AOPEP: variants seen among roughly 807,000 people sequenced by gnomAD.
The protein encoded by AOPEP is aminopeptidase O (putative).
A neutral mutation model predicts 98.1 loss-of-function variants in AOPEP; 77 were observed. The observed-to-expected ratio is 0.78, with a 90% CI of 0.65 to 0.95. The LOEUF is 0.95. Ranked by LOEUF, AOPEP falls within the 40% of genes least tolerant of loss-of-function variation. The pLI is 0.00. For missense variants in AOPEP, 1,024 were observed against 1,024.7 expected, an observed-to-expected ratio of 1.00 and a Z score of 0.01; for synonymous variants, 346 against 365.3, an observed-to-expected ratio of 0.95 and a Z score of 0.60.
chr9:95,069,838 A>G lies in AOPEP; in HGVS notation c.2232+9028A>G, dbSNP rs959795287. Among the ~76,000 whole-genome samples the G allele has an allele frequency of 4.6e-5, 7 of 152,244 alleles. No individual in the cohort carries two copies. In the South Asian group the frequency reaches 6.2e-4, roughly 13 times the overall value. On this transcript the variant is annotated intron_variant, in intron 14 of 16. Transcript: ENST00000375315. The stretch of plus-strand genomic sequence containing the variant: ...GCTCTAACCAGTTAAGGTGTAGACA[A>G]GAGCTGTAGGAATTGACTCCAGCAA...
intron 13 of AOPEP, among the ~76,000 whole-genome samples, chr9:95,054,762 TTGC>T (rs1352060504): frequency 1.3e-5 from 2 of 152,190 alleles, no homozygotes; most frequent in East Asian, 1.9e-4. Flanking sequence ...ATATGAATAT[TTGC>T]TGCTACTTGA....
chr9:94,821,836 G>A (rs1853224053), intron 5 of AOPEP, among the ~76,000 whole-genome samples: 1 of 152,158 alleles, frequency 6.6e-6, no homozygotes, highest in Non-Finnish European at 1.5e-5. Context: ...CCTTAGTAAG[G>A]CATGACAATA....
downstream of AOPEP, among the ~76,000 whole-genome samples, chr9:95,089,473 T>C (rs2070836409): frequency 6.6e-6 from 1 of 152,242 alleles, no homozygotes; most frequent in Non-Finnish European, 1.5e-5. Flanking sequence ...TGGATTCATC[T>C]GCCAAGTGGC....
intron 5 of AOPEP, among the ~76,000 whole-genome samples, chr9:94,893,759 A>T (rs1392831888): frequency 6.6e-6 from 1 of 152,196 alleles, no homozygotes; most frequent in African/African-American, 2.4e-5. Context: ...TGAACAAGAC[A>T]GGTCTCTTTC....
intron 8 of AOPEP, 25 bp downstream of exon 8, chr9:94,955,304 C>A: frequency 6.7e-7 from 1 of 1,489,096 alleles, no homozygotes. Flanking sequence ...GTTGCAGAAG[C>A]CAGTGATTGT....
chr9:95,130,204 T>C, the AOPEP span, among the ~76,000 whole-genome samples: 1 of 152,096 alleles, frequency 6.6e-6, no homozygotes, highest in African/African-American at 2.4e-5. Context: ...TACAAGCCAC[T>C]TGCCACTTGA....
At chr9:95,123,767 G>C in the AOPEP span, 1 of 699,790 alleles carries the variant, frequency 1.4e-6, no homozygotes, top group Non-Finnish European at 2.7e-6. Flanking sequence ...TCACAGCAAA[G>C]TAGTCAGGAA....
chr9:94,778,378 C>T (rs1427509367), intron 3 of AOPEP, among the ~76,000 whole-genome samples: 2 of 151,480 alleles, frequency 1.3e-5, no homozygotes, highest in Admixed American at 1.3e-4. Flanking sequence ...TGACCAAAAA[C>T]AGTCTAACTG....
intron 7 of AOPEP, among the ~76,000 whole-genome samples, chr9:94,953,477 T>C (rs2058249219): frequency 6.6e-6 from 1 of 152,176 alleles, no homozygotes; most frequent in Admixed American, 6.5e-5. Flanking sequence ...TAAAATGGAA[T>C]ATTTTATTAA....
chr9:94,851,206 G>A (rs1271768666), intron 5 of AOPEP, among the ~76,000 whole-genome samples: 3 of 152,198 alleles, frequency 2.0e-5, no homozygotes, highest in East Asian at 3.8e-4. Context: ...GTGCTCATTT[G>A]GAGCGTCCTT....
intron 15 of AOPEP, among the ~76,000 whole-genome samples, chr9:95,081,985 T>C (rs1030756993): frequency 6.6e-6 from 1 of 152,038 alleles, no homozygotes; most frequent in Non-Finnish European, 1.5e-5. Flanking sequence ...GATGTGAGTG[T>C]TTGCGGCATT....
At chr9:95,091,663 G>A (rs1474060268), downstream of AOPEP, among the ~76,000 whole-genome samples, 1 of 152,146 alleles carries the variant, frequency 6.6e-6, no homozygotes, top group Non-Finnish European at 1.5e-5. Context: ...AGTGAGGAGA[G>A]GCCAGTTGTG....
chr9:94,991,773 G>C (rs2060905656), intron 11 of AOPEP, among the ~76,000 whole-genome samples: 1 of 152,078 alleles, frequency 6.6e-6, no homozygotes, highest in South Asian at 2.1e-4. Flanking sequence ...TCTTCCACTA[G>C]ATATTTCTAA....
At chr9:95,077,640 G>A (rs893415857) in intron 14 of AOPEP, among the ~76,000 whole-genome samples, 16 of 152,184 alleles carry the variant, frequency 1.1e-4, no homozygotes, top group African/African-American at 1.9e-4. Context: ...TCTCTGGCCC[G>A]TAGGGCTTCC....
chr9:95,142,085 C>G, the AOPEP span, among the ~76,000 whole-genome samples: 2 of 150,782 alleles, frequency 1.3e-5, no homozygotes, highest in Non-Finnish European at 2.9e-5. Context: ...CTCTGCCTCC[C>G]GGGTTCAAGC....
At chr9:94,831,837 A>G (rs1175243199) in intron 5 of AOPEP, among the ~76,000 whole-genome samples, 2 of 152,094 alleles carry the variant, frequency 1.3e-5, no homozygotes, top group African/African-American at 2.4e-5. Flanking sequence ...GATTTCCTCA[A>G]GGAGAACTAC....
At chr9:95,126,234 C>A in the AOPEP span, among the ~76,000 whole-genome samples, 3 of 152,266 alleles carry the variant, frequency 2.0e-5, no homozygotes, top group East Asian at 5.8e-4. Flanking sequence ...TGAGAAAAAT[C>A]CTACATGAAT....
chr9:95,131,141 G>A, the AOPEP span, among the ~76,000 whole-genome samples: 3 of 152,178 alleles, frequency 2.0e-5, no homozygotes, highest in African/African-American at 7.2e-5. Flanking sequence ...TTTAATTAGT[G>A]ATAAATCTGT....
intron 1 of AOPEP, among the ~76,000 whole-genome samples, chr9:94,743,211 G>GGAA (rs1442241812): frequency 7.4e-4 from 109 of 146,374 alleles, no homozygotes; most frequent in African/African-American, 2.3e-3. Flanking sequence ...AGGAAGAAGA[G>GGAA]GAAGAAGAGG....
Sources: allele counts gnomAD v4.1 joint callset (sites outside exome capture counted in the v4.1 genomes callset), GRCh38; gene constraint gnomAD v4.1.1; transcripts MANE v1.5; gene names NCBI Gene and HGNC (gene_info 2026-07-23, HGNC 2026-07-21).